The following AXIN1 variants were observed in gnomAD, a reference collection of about 807,000 sequenced individuals.
AXIN1 encodes the protein axin-1.
In AXIN1, 30 loss-of-function variants were observed where a neutral mutation model predicts 76.4. The ratio of observed to expected loss-of-function variants is 0.39; its 90% CI spans 0.29 to 0.53. The LOEUF (loss-of-function observed/expected upper bound fraction) is 0.53. AXIN1 is among the 20% of genes least tolerant of loss of function. The pLI, the probability that AXIN1 is intolerant of heterozygous loss-of-function variation, is 0.66. For synonymous variants in AXIN1, 545 were observed against 501.4 expected (o/e 1.09, Z -1.16); for missense variants, 1,140 against 1,198.8 (o/e 0.95, Z 0.72).
At chr16:306,520 C>T (rs533143738) in intron 4 of AXIN1, among the ~76,000 whole-genome samples, 11 of 151,240 alleles carry the variant, frequency 7.3e-5, no homozygotes, top group Non-Finnish European at 1.6e-4. Flanking sequence ...CTGGCGCAGT[C>T]CTGGCTCTGT....
At chr16:301,612 A>T (rs1221319682) in intron 5 of AXIN1, among the ~76,000 whole-genome samples, 5 of 152,196 alleles carry the variant, frequency 3.3e-5, no homozygotes, top group Admixed American at 3.3e-4. Context: ...GTAATATAGC[A>T]AGATTCCATC....
Position 297,997 on chromosome 16 carries a change from T to C in AXIN1, c.1509A>G (p.Pro503=). 1.2e-6 allele frequency: 2 copies of C among 1,600,478 alleles called. No homozygotes were observed. The highest frequency in any genetic ancestry group is 3.3e-4 in the Middle Eastern group (2 of 6,052). The change falls in exon 6 of 11, where the codon CCA becomes CCG. Residue 503 remains proline, a synonymous_variant. Coordinates refer to ENST00000262320, the MANE Select transcript of AXIN1 (RefSeq NM_003502.4). ...CCGAGGCGGCACCCCCCAGTGCCAC[T>C]GGCATCTTGGCCACGTGCCCACTGT... The part of the protein sequence containing the change: ...SPDSGHVAKM[P]VALGGAASGH...
intron 2 of AXIN1, among the ~76,000 whole-genome samples, chr16:329,164 T>A (rs1450216390): frequency 6.7e-6 from 1 of 148,704 alleles, no homozygotes; most frequent in Non-Finnish European, 1.5e-5. Flanking sequence ...TGTAATCCCA[T>A]CTACTCAAGA....
Position 297,624 on chromosome 16 carries a change from C to T in AXIN1, c.1784+98G>A, listed in dbSNP as rs573009874. The T allele has an allele frequency of 2.2e-5, 31 of 1,430,888 alleles. 1 individual carries two copies. The highest frequency in any genetic ancestry group is 1.8e-4 in the South Asian group (13 of 71,010). 88.6% of individuals were successfully genotyped at this position (1,430,888 alleles called of 1,614,324 possible). ...AGAGGGGCCTCCTGCCTGTTGCTGG[C>T]GGTCCTGGGTTTCCTGAGTTTTATG... On this transcript the variant is annotated intron_variant, in intron 6 of 10. Coordinates refer to ENST00000262320, the MANE Select transcript of AXIN1 (RefSeq NM_003502.4).
intron 2 of AXIN1, among the ~76,000 whole-genome samples, chr16:331,736 C>T (rs2141657426): frequency 6.6e-6 from 1 of 152,314 alleles, no homozygotes; most frequent in East Asian, 1.9e-4. Flanking sequence ...CAACATAACT[C>T]CACACTGCAC....
At chr16:303,154 C>T (rs983594959) in intron 5 of AXIN1, among the ~76,000 whole-genome samples, 1 of 152,176 alleles carries the variant, frequency 6.6e-6, no homozygotes, top group Admixed American at 6.5e-5. Context: ...GCACTGCCCG[C>T]CCGGCCAGCA....
In AXIN1 at chr16:287,783, G is replaced by C. The variant is rs1276060042; in HGVS notation, c.*339C>G. 3 of 453,578 alleles carry C rather than the reference G, an allele frequency of 6.6e-6. No homozygotes were observed. Among genetic ancestry groups the C allele is most frequent in the Admixed American group, 6.9e-5 (2 of 29,116 alleles). The allele number at this position is 453,578 out of a possible 1,614,324, so 28.1% of individuals were successfully genotyped here. On this transcript the variant is annotated 3_prime_UTR_variant, in exon 11 of 11. Transcript: ENST00000262320. ...TGGGTACGTGGGCAAATCCCAGAGGGAAAGTAGATCCCAGCACACGTGCCC... is the reference window on the plus strand; with the variant it reads ...TGGGTACGTGGGCAAATCCCAGAGGCAAAGTAGATCCCAGCACACGTGCCC...
intron 5 of AXIN1, among the ~76,000 whole-genome samples, chr16:298,764 G>C (rs923598052): frequency 2.7e-5 from 4 of 150,422 alleles, no homozygotes; most frequent in Non-Finnish European, 5.9e-5. Context: ...GCCTGCCTTG[G>C]CCTGTATATA....
intron 2 of AXIN1, among the ~76,000 whole-genome samples, chr16:336,310 G>C (rs557525445): frequency 6.6e-6 from 1 of 152,230 alleles, no homozygotes; most frequent in Non-Finnish European, 1.5e-5. Flanking sequence ...CCTCAGGGTA[G>C]GGGTGAGACA....
At chr16:308,454 C>G (rs2053085893) in intron 4 of AXIN1, among the ~76,000 whole-genome samples, 1 of 152,220 alleles carries the variant, frequency 6.6e-6, no homozygotes, top group Non-Finnish European at 1.5e-5. Flanking sequence ...ACCAGCACCC[C>G]AAAATCGGGG....
chr16:343,910 G>A (rs959715310), intron 2 of AXIN1, among the ~76,000 whole-genome samples: 4 of 150,310 alleles, frequency 2.7e-5, no homozygotes, highest in African/African-American at 9.8e-5. Context: ...GGAGGCAGGA[G>A]AATCACTTAA....
chr16:311,062 T>A (rs1159204935), intron 3 of AXIN1, among the ~76,000 whole-genome samples: 1 of 152,104 alleles, frequency 6.6e-6, no homozygotes, highest in African/African-American at 2.4e-5. Flanking sequence ...AGACGGAGTC[T>A]TGCTCTGTCG....
intron 1 of AXIN1, among the ~76,000 whole-genome samples, chr16:348,469 C>G (rs2054076732): frequency 6.6e-6 from 1 of 152,246 alleles, no homozygotes; most frequent in Non-Finnish European, 1.5e-5. Context: ...ATTGCACACA[C>G]TTTACCAGCC....
chr16:327,366 C>T (rs1567293678), intron 2 of AXIN1, among the ~76,000 whole-genome samples: 1 of 152,176 alleles, frequency 6.6e-6, no homozygotes, highest in Non-Finnish European at 1.5e-5. Context: ...GTGGCAGACA[C>T]AAAAGGGCAA....
At position 314,636 on chromosome 16, in the gene AXIN1, C is replaced by T. The variant is rs1267777388; in HGVS notation, c.926G>A (p.Gly309Asp). ...ACTGGTGGCTGGGGCCAGGGCATAGCCGGCATTGACATAATAGGGGTTGAC... is the reference window on the plus strand; with the variant it reads ...ACTGGTGGCTGGGGCCAGGGCATAGTCGGCATTGACATAATAGGGGTTGAC... Reference protein sequence around the residue: ...EPVNPYYVNAGYALAPATSAN... With the variant: ...EPVNPYYVNADYALAPATSAN... The change falls in exon 3 of 11, where the codon GGC becomes GAC. Residue 309 changes from glycine to aspartate, a missense_variant. Coordinates refer to ENST00000262320, the MANE Select transcript of AXIN1 (RefSeq NM_003502.4). The T allele has an allele frequency of 1.2e-6, 2 of 1,614,000 alleles. No homozygotes were observed. Among genetic ancestry groups the T allele is most frequent in the Admixed American group, 1.7e-5 (1 of 60,024 alleles).
At chr16:288,297 G>A (rs781464327) in intron 10 of AXIN1, 49 bp from the exon 11 acceptor site, 31 of 1,612,314 alleles carry the variant, frequency 1.9e-5, no homozygotes, top group Non-Finnish European at 2.4e-5. Context: ...ACCGCAGATG[G>A]GAAGGAGGCC....
rs2141700898 is a variant in AXIN1 at position 346,237 on chromosome 16, G to A, written c.789C>T (p.Pro263=). 9 of 1,614,156 alleles carry A rather than the reference G, an allele frequency of 5.6e-6. No individual in the cohort carries two copies. Among genetic ancestry groups the A allele is most frequent in the Non-Finnish European group, 7.6e-6 (9 of 1,180,048 alleles). The change falls in exon 2 of 11, where the codon CCC becomes CCT. Residue 263 remains proline, a synonymous_variant. Transcript: ENST00000262320. ...GCAGCTTCTGAGGGAGTCTTCCGGG[G>A]GGAGCAGCGTCTCTGCCATCGTCCT... ...MDEDDGRDAA[P]PGRLPQKLLL...
At position 287,938 on chromosome 16, in the gene AXIN1, CAG is replaced by C; in HGVS notation, c.*182_*183del. The C allele has an allele frequency of 3.1e-6, 3 of 972,814 alleles. No homozygotes were observed. The highest frequency in any genetic ancestry group is 2.4e-5 in the East Asian group (1 of 40,854). The allele number at this position is 972,814 out of a possible 1,614,324, so 60.3% of individuals were successfully genotyped here. ...CCAGGCTGCCTCCTTGGGGGCAGGA[CAG>C]AAGCTTGTGGACCACTTGGAGGGAC... On this transcript the variant is annotated 3_prime_UTR_variant, in exon 11 of 11. Transcript: ENST00000262320.
At chr16:340,293 C>A (rs2141681077) in intron 2 of AXIN1, among the ~76,000 whole-genome samples, 1 of 152,328 alleles carries the variant, frequency 6.6e-6, no homozygotes, top group East Asian at 1.9e-4. Context: ...CTGGCCACAG[C>A]CACATTGACC....
Sources: gnomAD v4.1 joint callset for allele counts (sites outside exome capture counted in the v4.1 genomes callset) on GRCh38, gnomAD v4.1.1 for gene constraint, MANE v1.5 for transcripts, NCBI Gene and HGNC (gene_info 2026-07-23, HGNC 2026-07-21) for gene names.